CPNE1: variants seen among roughly 807,000 people sequenced by gnomAD.
CPNE1 encodes copine-1.
CPNE1 carries 58 observed loss-of-function variants against 63.2 expected under a neutral mutation model. The observed-to-expected ratio is 0.92, with a 90% CI of 0.74 to 1.14. CPNE1 has a LOEUF of 1.14. Ranked by LOEUF, CPNE1 falls within the 50% of genes most tolerant of loss-of-function variation. CPNE1 has a pLI of 0.00. For synonymous variants in CPNE1, 237 were observed against 249.0 expected (o/e 0.95, Z 0.45); for missense variants, 672 against 661.7 (o/e 1.02, Z -0.17).
rs150610208 is a variant in CPNE1 at position 35,639,353 on chromosome 20, T to C, written c.1-6430A>G. On this transcript the variant is annotated intron_variant, in intron 1 of 15. Transcript: ENST00000397443. ...ATGTTGGGGAAACTATTATTTTTTT[T>C]TTAGACAGAGTCTCACTCTGTTGCC... is the stretch of plus-strand genomic sequence containing the variant. Among the ~76,000 whole-genome samples, 43 of 152,272 alleles carry C rather than the reference T, an allele frequency of 2.8e-4. 1 individual carries two copies. The highest frequency in any genetic ancestry group is 1.0e-3 in the African/African-American group (42 of 41,554).
chr20:35,627,369 C>A lies in CPNE1; in HGVS notation c.1147G>T (p.Val383Phe). ...AAGTTGGTAGGGCCATAGAGGCGAA[C>A]TTGGGGCAGGGCTTGGCGGTAGGCA... ...VDAYRQALPQ[V>F]RLYGPTNFAP... The change falls in exon 14 of 16, where the codon GTT (valine) becomes TTT (phenylalanine). Residue 383 changes from valine (V) to phenylalanine (F), a missense_variant. Coordinates refer to ENST00000397443, the MANE Select transcript of CPNE1 (RefSeq NM_152925.3). The A allele has an allele frequency of 6.2e-7, 1 of 1,614,102 alleles. No homozygotes were observed. Among genetic ancestry groups the A allele is most frequent in the Non-Finnish European group, 8.5e-7 (1 of 1,180,024 alleles).
intron 1 of CPNE1, chr20:35,654,620 T>C (rs777534425): frequency 9.9e-6 from 16 of 1,613,834 alleles, no homozygotes; most frequent in Admixed American, 1.7e-5. Context: ...AGTGGGGTCA[T>C]GGGTGGCACA....
At chr20:35,633,161 G>C (rs969120291) in intron 1 of CPNE1, among the ~76,000 whole-genome samples, 1 of 152,138 alleles carries the variant, frequency 6.6e-6, no homozygotes, top group East Asian at 1.9e-4. Context: ...TATTGAAAAG[G>C]GGTACTAGCC....
intron 1 of CPNE1, among the ~76,000 whole-genome samples, chr20:35,658,183 A>G (rs1357371613): frequency 2.0e-5 from 3 of 152,360 alleles, no homozygotes; most frequent in Admixed American, 2.0e-4. Context: ...TACTTAAACA[A>G]GAGGGTTAGA....
rs971464293 is a variant in CPNE1 at position 35,652,916 on chromosome 20, G to A, written c.-1+11844C>T. The A allele has an allele frequency of 2.5e-6, 4 of 1,613,742 alleles. No individual in the cohort carries two copies. In the Admixed American group the frequency reaches 6.7e-5, roughly 27 times the overall value. ...CCAGGAGGGCCACTTCCAAACCCCGGGGGACCGCCTAAGCTACCAGGGCCA... is the reference window on the plus strand; with the variant it reads ...CCAGGAGGGCCACTTCCAAACCCCGAGGGACCGCCTAAGCTACCAGGGCCA... On this transcript the variant is annotated intron_variant, in intron 1 of 15. Transcript: ENST00000397443.
chr20:35,664,229 C>T (rs1568948956), intron 1 of CPNE1: 1 of 152,316 alleles, frequency 6.6e-6, no homozygotes, highest in African/African-American at 2.4e-5. Flanking sequence ...CCTTTCTGAA[C>T]TCACAGGAGT....
intron 1 of CPNE1, among the ~76,000 whole-genome samples, chr20:35,658,691 C>G (rs911305316): frequency 6.6e-6 from 1 of 151,884 alleles, no homozygotes; most frequent in African/African-American, 2.4e-5. Flanking sequence ...ACCCGGGAGG[C>G]GGAGGTTGCA....
In CPNE1 at chr20:35,655,442, T is replaced by C. The variant is rs913234584; in HGVS notation, c.-1+9318A>G. 5 of 1,017,112 alleles carry C rather than the reference T, an allele frequency of 4.9e-6. No individual in the cohort carries two copies. In the African/African-American group the frequency reaches 8.1e-5, roughly 16 times the overall value. 63.0% of individuals were successfully genotyped at this position (1,017,112 alleles called of 1,614,324 possible). On this transcript the variant is annotated intron_variant, in intron 1 of 15. Transcript: ENST00000397443. Reference sequence around the variant, plus strand: ...CCAGCTACCATATTAGGCCCTCAAATATTCCCTCAAGCTATCACAGGCAAT... The same window carrying C: ...CCAGCTACCATATTAGGCCCTCAAACATTCCCTCAAGCTATCACAGGCAAT...
chr20:35,655,513 A>G (rs1039508362), intron 1 of CPNE1, among the ~76,000 whole-genome samples: 1 of 152,260 alleles, frequency 6.6e-6, no homozygotes, highest in African/African-American at 2.4e-5. Flanking sequence ...CGTGCCATTT[A>G]CAATGTAAAA....
intron 1 of CPNE1, chr20:35,654,605 G>T (rs1330161927): frequency 6.8e-6 from 11 of 1,614,094 alleles, no homozygotes; most frequent in Non-Finnish European, 9.3e-6. Flanking sequence ...CCCGACATGG[G>T]TGGCAGTGGG....
chr20:35,659,148 AAAAAAAAG>A, intron 1 of CPNE1: 1 of 455,972 alleles, frequency 2.2e-6, no homozygotes, highest in Non-Finnish European at 4.0e-6. Flanking sequence ...CAAAAAAAAA[AAAAAAAAG>A]AAAGACACCG....
Position 35,631,348 on chromosome 20 carries a change from A to T in CPNE1, c.721T>A (p.Phe241Ile). 1.9e-6 allele frequency: 3 copies of T among 1,614,026 alleles called. No individual in the cohort carries two copies. Among genetic ancestry groups the T allele is most frequent in the Non-Finnish European group, 2.5e-6 (3 of 1,179,966 alleles). The change falls in exon 9 of 16, where the codon TTT becomes ATT. Residue 241 changes from phenylalanine (F) to isoleucine (I), a missense_variant. Physicochemically the swap from Phe to Ile is conservative, Grantham distance 21. Transcript: ENST00000397443. ...TGCTTCTCAGGGTGGATGCATTCAA[A>T]CTCAGCCTGGTGAGGACAGAAAAAT... is the stretch of plus-strand genomic sequence containing the variant. Reference protein sequence around the residue: ...LAQLQAVPAEFECIHPEKQQK... With the variant: ...LAQLQAVPAEIECIHPEKQQK...
chr20:35,639,345 ATTTT>A, intron 1 of CPNE1, among the ~76,000 whole-genome samples: 1 of 149,552 alleles, frequency 6.7e-6, no homozygotes, highest in East Asian at 2.0e-4. Context: ...GGAAACTATT[ATTTT>A]TTTTTTAGAC....
rs189783899 is a variant in CPNE1 at position 35,629,009 on chromosome 20, T to C, written c.1102+1430A>G. ...ACACGTATACATGTGTGTACATACA[T>C]AAACACATATTTTTAATCTTTTTTC... is the stretch of plus-strand genomic sequence containing the variant. On this transcript the variant is annotated intron_variant, in intron 13 of 15. Transcript: ENST00000397443. Among the ~76,000 whole-genome samples, 23 of 152,338 alleles carry C rather than the reference T, an allele frequency of 1.5e-4. 1 individual carries two copies. The highest frequency in any genetic ancestry group is 1.2e-3 in the Admixed American group (18 of 15,304).
At chr20:35,661,730 T>C (rs1433441370) in intron 1 of CPNE1, among the ~76,000 whole-genome samples, 1 of 152,198 alleles carries the variant, frequency 6.6e-6, no homozygotes, top group African/African-American at 2.4e-5. Context: ...CAGAAAAAAA[T>C]GTCTGACAAC....
In CPNE1 at chr20:35,631,598, G is replaced by T. The variant is rs114811466; in HGVS notation, c.628-20C>A. The T allele has an allele frequency of 1.9e-3, 3,020 of 1,611,068 alleles. 46 individuals are homozygous for T. In the African/African-American group the frequency reaches 0.036, roughly 19 times the overall value. ...TTGCACCTGAGGGAAAGGTGTGTGT[G>T]GACATAAACAAGCCAGGTGGCAGAT... is the stretch of plus-strand genomic sequence containing the variant. On this transcript the variant is annotated intron_variant, in intron 7 of 15. Coordinates refer to ENST00000397443, the MANE Select transcript of CPNE1 (RefSeq NM_152925.3).
chr20:35,626,836 A>C (rs368345665), intron 14 of CPNE1, 33 bp from the exon 15 acceptor site: 94 of 1,556,890 alleles, frequency 6.0e-5, no homozygotes, highest in Non-Finnish European at 8.3e-5. Context: ...CCTGAAGCAG[A>C]TCCTCCTCCT....
At chr20:35,652,783 G>A (rs1463790316) in intron 1 of CPNE1, 3 of 1,610,808 alleles carry the variant, frequency 1.9e-6, no homozygotes, top group East Asian at 2.2e-5. Flanking sequence ...AGAACTAGAT[G>A]CAAAGCCAGG....
rs556805284 is a variant in CPNE1, at chr20:35,633,908, G to A, written c.1-985C>T. The stretch of plus-strand genomic sequence containing the variant: ...CAGGAGGTGGAGGTTGCAGTGAGCC[G>A]AGACTGTGCCACTGTACTCCAGCCT... On this transcript the variant is annotated intron_variant, in intron 1 of 15. Transcript: ENST00000397443. Among the ~76,000 whole-genome samples the A allele has an allele frequency of 7.9e-4, 96 of 121,624 alleles. 1 individual carries two copies. In the South Asian group the frequency reaches 0.02, roughly 26 times the overall value. The allele number at this position is 121,624 out of a possible 152,430, so 79.8% of individuals were successfully genotyped here. A position where few individuals can be genotyped will look rare whatever the true frequency, so the allele number is the denominator to read the frequency against.
Sources: gnomAD v4.1 joint callset for allele counts (sites outside exome capture counted in the v4.1 genomes callset) on GRCh38, gnomAD v4.1.1 for gene constraint, MANE v1.5 for transcripts, NCBI Gene and HGNC (gene_info 2026-07-23, HGNC 2026-07-21) for gene names.